ZNRF2: variants seen among roughly 807,000 people sequenced by gnomAD.
ZNRF2 encodes zinc and ring finger 2, also known as E3 ubiquitin-protein ligase ZNRF2.
Under a neutral mutation model 20.4 loss-of-function variants are expected in ZNRF2, and 16 were observed. The observed-to-expected ratio is 0.79, with a 90% CI of 0.53 to 1.19. The LOEUF (loss-of-function observed/expected upper bound fraction) is 1.19, where lower values mean the gene tolerates loss of function less well. Ranked by LOEUF, ZNRF2 falls within the 50% of genes most tolerant of loss-of-function variation. ZNRF2 has a pLI of 0.00. For missense variants in ZNRF2, 363 were observed against 332.4 expected (o/e 1.09, Z -0.72); for synonymous variants, 178 against 144.9 (o/e 1.23, Z -1.64).
intron 4 of ZNRF2, among the ~76,000 whole-genome samples, chr7:30,365,109 T>G (rs1800188763): frequency 6.6e-6 from 1 of 151,230 alleles, no homozygotes; most frequent in South Asian, 2.1e-4. Flanking sequence ...ATAGCAATTT[T>G]GGGAGTACAC....
At chr7:30,359,244 C>G (rs1936357394) in intron 3 of ZNRF2, among the ~76,000 whole-genome samples, 1 of 152,082 alleles carries the variant, frequency 6.6e-6, no homozygotes, top group Non-Finnish European at 1.5e-5. Flanking sequence ...GTCTGGGATA[C>G]ACTTCTCCCC....
Position 30,350,278 on chromosome 7 carries a change from C to CT in ZNRF2, c.566-5443dup, listed in dbSNP as rs533908008. Among the ~76,000 whole-genome samples the CT allele has an allele frequency of 5.9e-3, 902 of 151,992 alleles. 14 individuals are homozygous for CT. The highest frequency in any genetic ancestry group is 5.3e-3 in the Non-Finnish European group (357 of 67,850). ...TCCAGAATATTCCCAAGAGTATAAA[C>CT]TTTTTTTAAAAAGTCATCATCAAAA... On this transcript the variant is annotated intron_variant, in intron 2 of 4. Coordinates refer to ENST00000323037, the MANE Select transcript of ZNRF2 (RefSeq NM_147128.4).
Position 30,300,148 on chromosome 7 carries a change from C to CTT in ZNRF2, c.469+14340_469+14341dup, listed in dbSNP as rs11312967. On this transcript the variant is annotated intron_variant, in intron 1 of 4. Transcript: ENST00000323037. ...TTCATGGGAAAACATGAATACAAGT[C>CTT]TTTTTTTTTTTTTTTTTTTGAGACG... Among the ~76,000 whole-genome samples, 109 of 113,006 alleles carry CTT rather than the reference C, an allele frequency of 9.6e-4. 3 individuals carry two copies. Among genetic ancestry groups the CTT allele is most frequent in the African/African-American group, 1.9e-3 (58 of 30,056 alleles). The allele number at this position is 113,006 out of a possible 152,430, so 74.1% of individuals were successfully genotyped here. A position where few individuals can be genotyped will look rare whatever the true frequency, so the allele number is the denominator to read the frequency against.
At chr7:30,362,708 A>T (rs1049564657) in intron 4 of ZNRF2, among the ~76,000 whole-genome samples, 2 of 152,072 alleles carry the variant, frequency 1.3e-5, no homozygotes, top group Non-Finnish European at 2.9e-5. Context: ...TGAGGCCAAA[A>T]GTTCAAGACC....
At chr7:30,312,221 T>TC (rs1583575583) in intron 1 of ZNRF2, among the ~76,000 whole-genome samples, 1 of 152,136 alleles carries the variant, frequency 6.6e-6, no homozygotes, top group East Asian at 1.9e-4. Flanking sequence ...ACTCAAGCAG[T>TC]CCTCCCTCCT....
chr7:30,314,290 C>G (rs183747054), intron 1 of ZNRF2, among the ~76,000 whole-genome samples: 5 of 152,204 alleles, frequency 3.3e-5, no homozygotes, highest in Admixed American at 3.3e-4. Context: ...GAATTATTTT[C>G]TATACATTTT....
intron 1 of ZNRF2, among the ~76,000 whole-genome samples, chr7:30,315,987 ATAAAG>A (rs952061241): frequency 1.2e-4 from 19 of 152,172 alleles, no homozygotes; most frequent in South Asian, 8.3e-4. Context: ...TATGAAAAAA[ATAAAG>A]TAAAAGAATT....
rs900993846 is a variant in ZNRF2, at chr7:30,342,262, C to G, written c.566-13466C>G. ...AATATTGTTATGCGTGAGTTTGATC[C>G]TGTCGTTATGATGCTAGCTGGTTAT... On this transcript the variant is annotated intron_variant, in intron 2 of 4. Coordinates refer to ENST00000323037, the MANE Select transcript of ZNRF2 (RefSeq NM_147128.4). 1.2e-4 allele frequency among the ~76,000 whole-genome samples: 19 copies of G among 152,174 alleles called. No individual in the cohort carries two copies. The East Asian group carries it at 2.5e-3, about 20-fold the overall frequency.
chr7:30,288,413 C>T (rs1798836203), intron 1 of ZNRF2, among the ~76,000 whole-genome samples: 1 of 152,156 alleles, frequency 6.6e-6, no homozygotes. Context: ...AAATTATTCT[C>T]TTGTGAGCTC....
At chr7:30,335,282 A>G (rs1799699732) in intron 2 of ZNRF2, among the ~76,000 whole-genome samples, 1 of 152,090 alleles carries the variant, frequency 6.6e-6, no homozygotes, top group Non-Finnish European at 1.5e-5. Flanking sequence ...CCAACATTCC[A>G]AGAACCCTTT....
At chr7:30,344,576 C>T (rs1318916606) in intron 2 of ZNRF2, among the ~76,000 whole-genome samples, 1 of 152,112 alleles carries the variant, frequency 6.6e-6, no homozygotes, top group Non-Finnish European at 1.5e-5. Context: ...TTCCCCCCAT[C>T]CATCCTCACC....
intron 2 of ZNRF2, among the ~76,000 whole-genome samples, chr7:30,327,988 C>T (rs1307908419): frequency 6.6e-6 from 1 of 152,148 alleles, no homozygotes; most frequent in Non-Finnish European, 1.5e-5. Flanking sequence ...GGTTTTAAAA[C>T]TAGCTCTTGG....
At chr7:30,335,680 G>A (rs1170714498) in intron 2 of ZNRF2, among the ~76,000 whole-genome samples, 3 of 152,124 alleles carry the variant, frequency 2.0e-5, no homozygotes, top group African/African-American at 7.2e-5. Context: ...GCAGGGTGTG[G>A]TTGGGGGCAA....
intron 2 of ZNRF2, among the ~76,000 whole-genome samples, chr7:30,324,334 G>A (rs1223659444): frequency 6.7e-6 from 1 of 149,706 alleles, no homozygotes. Flanking sequence ...CCAAGTTTGA[G>A]ACCAGCCTGG....
chr7:30,348,746 T>G (rs1030838674), intron 2 of ZNRF2, among the ~76,000 whole-genome samples: 2 of 152,210 alleles, frequency 1.3e-5, no homozygotes, highest in African/African-American at 4.8e-5. Flanking sequence ...CAACAGGCAT[T>G]TATTGTTACA....
chr7:30,289,516 G>A (rs1466632587), intron 1 of ZNRF2, among the ~76,000 whole-genome samples: 11 of 151,942 alleles, frequency 7.2e-5, no homozygotes, highest in African/African-American at 2.2e-4. Flanking sequence ...GGGAGTGGCC[G>A]AAGAGGAATG....
At chr7:30,337,595 GTC>G (rs955914923) in intron 2 of ZNRF2, among the ~76,000 whole-genome samples, 12 of 152,036 alleles carry the variant, frequency 7.9e-5, no homozygotes, top group African/African-American at 2.9e-4. Flanking sequence ...AGTTGACATT[GTC>G]TCTGTTTTCC....
rs70980598 is a variant in ZNRF2, at chr7:30,346,170, A to ATTTTTTTTT, written c.566-9532_566-9524dup. On this transcript the variant is annotated intron_variant, in intron 2 of 4. Transcript: ENST00000323037. ...TGTTTTTTTTTTTCTGTTAAGTCTG[A>ATTTTTTTTT]TTTTTTTTTTTTTTTTTTTTTTTTT... Among the ~76,000 whole-genome samples, 79 of 23,730 alleles carry ATTTTTTTTT rather than the reference A, an allele frequency of 3.3e-3. 12 individuals carry two copies. The highest frequency in any genetic ancestry group is 6.0e-3 in the Non-Finnish European group (61 of 10,216). 15.6% of individuals were successfully genotyped at this position (23,730 alleles called of 152,430 possible). A position where few individuals can be genotyped will look rare whatever the true frequency, so the allele number is the denominator to read the frequency against.
chr7:30,324,570 CAAA>C (rs1799523659), intron 2 of ZNRF2, among the ~76,000 whole-genome samples: 2 of 147,476 alleles, frequency 1.4e-5, no homozygotes, highest in South Asian at 4.3e-4. Flanking sequence ...GAAAAAAAAA[CAAA>C]AACAAACAAA....
Sources: gnomAD v4.1 joint callset for allele counts (sites outside exome capture counted in the v4.1 genomes callset) on GRCh38, gnomAD v4.1.1 for gene constraint, MANE v1.5 for transcripts, NCBI Gene and HGNC (gene_info 2026-07-23, HGNC 2026-07-21) for gene names.